Variants in TDRP observed in about 807,000 individuals in gnomAD.
The protein encoded by TDRP is testis development-related protein.
Under a neutral mutation model 10.5 loss-of-function variants are expected in TDRP, and 12 were observed. That is an observed-to-expected ratio of 1.15 (90% CI 0.73 to 1.86). TDRP has a LOEUF of 1.86. Ranked by LOEUF, TDRP falls within the 40% of genes most tolerant of loss-of-function variation. The pLI is 0.00. For missense variants in TDRP, 353 were observed against 229.2 expected (o/e 1.54, Z -3.49); for synonymous variants, 139 against 95.4 (o/e 1.46, Z -2.67).
intron 1 of TDRP, among the ~76,000 whole-genome samples, chr8:518,040 C>A (rs911429321): frequency 1.3e-5 from 2 of 152,178 alleles, no homozygotes; most frequent in Admixed American, 1.3e-4. Context: ...CACTGGTGGA[C>A]ACGTGCCACC....
chr8:516,866 C>T (rs1015397517), intron 1 of TDRP, among the ~76,000 whole-genome samples: 1 of 152,152 alleles, frequency 6.6e-6, no homozygotes, highest in African/African-American at 2.4e-5. Context: ...ACCAAGATGC[C>T]CTTCAGCAGG....
chr8:509,326 G>C (rs938608127), intron 1 of TDRP, among the ~76,000 whole-genome samples: 5 of 152,210 alleles, frequency 3.3e-5, no homozygotes, highest in Non-Finnish European at 5.9e-5. Flanking sequence ...TACTGGCCCA[G>C]CAGAGGTTCT....
At chr8:519,407 G>A (rs1211626236) in intron 1 of TDRP, among the ~76,000 whole-genome samples, 1 of 152,154 alleles carries the variant, frequency 6.6e-6, no homozygotes, top group African/African-American at 2.4e-5. Context: ...TTTAGAGTCA[G>A]CTGAGTAGAA....
At chr8:534,531 G>T (rs1386545216) in intron 1 of TDRP, among the ~76,000 whole-genome samples, 3 of 152,158 alleles carry the variant, frequency 2.0e-5, no homozygotes, top group African/African-American at 7.2e-5. Flanking sequence ...GAGTGCCACA[G>T]CTTTCTTGTG....
chr8:503,079 G>A (rs1440503747), intron 1 of TDRP, among the ~76,000 whole-genome samples: 1 of 150,774 alleles, frequency 6.6e-6, no homozygotes, highest in Non-Finnish European at 1.5e-5. Flanking sequence ...GCCCACCTCA[G>A]CATGTGTCAA....
intron 1 of TDRP, among the ~76,000 whole-genome samples, chr8:531,532 A>C (rs1802197463): frequency 6.6e-6 from 1 of 152,162 alleles, no homozygotes; most frequent in African/African-American, 2.4e-5. Flanking sequence ...GGTACTGAAG[A>C]ATTGGTTGGT....
At chr8:528,055 T>G (rs1194546971) in intron 1 of TDRP, among the ~76,000 whole-genome samples, 1 of 152,114 alleles carries the variant, frequency 6.6e-6, no homozygotes, top group African/African-American at 2.4e-5. Context: ...CTCAAACACA[T>G]CTATAGGAAA....
At chr8:539,306 T>C (rs1388544827) in intron 1 of TDRP, among the ~76,000 whole-genome samples, 1 of 152,128 alleles carries the variant, frequency 6.6e-6, no homozygotes, top group Non-Finnish European at 1.5e-5. Flanking sequence ...TGAGAGGATG[T>C]AGTGTGAAGG....
intron 1 of TDRP, among the ~76,000 whole-genome samples, chr8:506,092 C>T (rs1801457719): frequency 6.6e-6 from 1 of 152,138 alleles, no homozygotes; most frequent in South Asian, 2.1e-4. Context: ...GACAGAGGGG[C>T]AGAGCCACAT....
chr8:503,846 T>C (rs1471531564), intron 1 of TDRP, among the ~76,000 whole-genome samples: 2 of 137,146 alleles, frequency 1.5e-5, no homozygotes, highest in Non-Finnish European at 3.2e-5. Flanking sequence ...CTGGAACCAA[T>C]GCCCACCTCT....
chr8:537,746 G>A (rs1584885014), intron 1 of TDRP, among the ~76,000 whole-genome samples: 1 of 152,192 alleles, frequency 6.6e-6, no homozygotes, highest in South Asian at 2.1e-4. Context: ...ACATTTCCCA[G>A]AGGAGACGAG....
chr8:536,950 T>C (rs1469188426), intron 1 of TDRP, among the ~76,000 whole-genome samples: 2 of 152,164 alleles, frequency 1.3e-5, no homozygotes, highest in African/African-American at 4.8e-5. Flanking sequence ...AGTATCTGAC[T>C]CAGCTCATAT....
intron 1 of TDRP, among the ~76,000 whole-genome samples, chr8:498,239 C>T (rs1474693657): frequency 6.6e-6 from 1 of 152,164 alleles, no homozygotes; most frequent in Non-Finnish European, 1.5e-5. Context: ...AATGCCAGCC[C>T]ATGAAAGAAA....
At chr8:517,424 T>C (rs532034624) in intron 1 of TDRP, among the ~76,000 whole-genome samples, 2 of 152,224 alleles carry the variant, frequency 1.3e-5, no homozygotes, top group African/African-American at 4.8e-5. Context: ...TAAGAGACAT[T>C]TACCATCTAT....
rs148225190 is a variant in TDRP, at chr8:518,504, T to C, written c.109-23907A>G. On this transcript the variant is annotated intron_variant, in intron 1 of 2. Transcript: ENST00000324079. Reference sequence around the variant, plus strand: ...ACAGATGGAAAACCCAACAAACCCATGTATATAGAGATTTTAGTATACAGT... The same window carrying C: ...ACAGATGGAAAACCCAACAAACCCACGTATATAGAGATTTTAGTATACAGT... 3.1e-3 allele frequency among the ~76,000 whole-genome samples: 472 copies of C among 152,192 alleles called. 18 individuals are homozygous for C. In the East Asian group the frequency reaches 0.075, roughly 24 times the overall value.
chr8:502,785 G>A (rs1224870603), intron 1 of TDRP, among the ~76,000 whole-genome samples: 1 of 151,620 alleles, frequency 6.6e-6, no homozygotes, highest in Non-Finnish European at 1.5e-5. Context: ...GGAATCCAGA[G>A]CCATACACTG....
intron 1 of TDRP, among the ~76,000 whole-genome samples, chr8:512,143 G>C (rs1344810082): frequency 6.6e-6 from 1 of 151,878 alleles, no homozygotes; most frequent in African/African-American, 2.4e-5. Context: ...AACAAAATTG[G>C]GGCCGGATGC....
At chr8:523,769 T>A (rs1209450713) in intron 1 of TDRP, among the ~76,000 whole-genome samples, 1 of 152,086 alleles carries the variant, frequency 6.6e-6, no homozygotes, top group Non-Finnish European at 1.5e-5. Flanking sequence ...GAGTGCCAGC[T>A]AGGCTGCAGT....
chr8:533,569 A>G (rs1802265919), intron 1 of TDRP, among the ~76,000 whole-genome samples: 1 of 152,214 alleles, frequency 6.6e-6, no homozygotes, highest in East Asian at 1.9e-4. Context: ...CAGACGTTTC[A>G]TCGGCATCTT....
Sources: allele counts gnomAD v4.1 joint callset (sites outside exome capture counted in the v4.1 genomes callset), GRCh38; gene constraint gnomAD v4.1.1; transcripts MANE v1.5; gene names NCBI Gene and HGNC (gene_info 2026-07-23, HGNC 2026-07-21).